BCAS4: variants seen among roughly 807,000 people sequenced by gnomAD.
BCAS4 encodes the protein breast carcinoma amplified sequence 4.
BCAS4 carries 9 observed loss-of-function variants against 15.7 expected under a neutral mutation model. The observed-to-expected ratio is 0.57, with a 90% CI of 0.34 to 1.00. The LOEUF (loss-of-function observed/expected upper bound fraction) is 1.00, where lower values mean the gene tolerates loss of function less well. BCAS4 is among the 50% of genes least tolerant of loss of function. The pLI is 0.02. For missense variants in BCAS4, 225 were observed against 239.1 expected (o/e 0.94, Z 0.39); for synonymous variants, 101 against 99.5 (o/e 1.02, Z -0.09).
chr20:50,818,135 A>T, intron 1 of BCAS4, 76 bp from the exon 2 acceptor site: 1 of 1,296,754 alleles, frequency 7.7e-7, no homozygotes, highest in South Asian at 1.4e-5. Context: ...TTTGCTTTAA[A>T]AAAAAAAAAA....
chr20:50,873,199 A>T (rs1979742440), intron 4 of BCAS4, among the ~76,000 whole-genome samples: 2 of 152,188 alleles, frequency 1.3e-5, no homozygotes, highest in Non-Finnish European at 2.9e-5. Context: ...CTTCTTCATA[A>T]TGATATTGAT....
chr20:50,832,263 CTT>C (rs796347635), intron 3 of BCAS4, among the ~76,000 whole-genome samples: 6 of 145,110 alleles, frequency 4.1e-5, no homozygotes, highest in Admixed American at 6.9e-5. Context: ...AAACAACACA[CTT>C]TTTTTTTTTT....
In BCAS4 at chr20:50,841,756, T is replaced by C. The variant is rs1293591515; in HGVS notation, c.265-10T>C. 1.2e-6 allele frequency: 2 copies of C among 1,613,960 alleles called. No homozygotes were observed. Among genetic ancestry groups the C allele is most frequent in the Non-Finnish European group, 1.7e-6 (2 of 1,180,012 alleles). On this transcript the variant is annotated splice_polypyrimidine_tract_variant and intron_variant, in intron 3 of 4. Transcript: ENST00000371608. ...CAGATGCGGCATCATGGCTTCTCCG[T>C]GTCCCTCAGGCCTTCGTCAAGATGG...
In BCAS4 at chr20:50,846,376, A is replaced by G. The variant is rs369810140; in HGVS notation, c.399+4476A>G. Among the ~76,000 whole-genome samples the G allele has an allele frequency of 4.1e-4, 62 of 152,244 alleles. No homozygotes were observed. In the East Asian group the frequency reaches 6.6e-3, roughly 16 times the overall value. ...CAGCCAGGCACAGTGGCTTCCACCCATAATCCCAGCACTTTGGGAGGCCAG... is the reference window on the plus strand; with the variant it reads ...CAGCCAGGCACAGTGGCTTCCACCCGTAATCCCAGCACTTTGGGAGGCCAG... On this transcript the variant is annotated intron_variant, in intron 4 of 4. Transcript: ENST00000371608.
chr20:50,873,170 C>T (rs1189951805), intron 4 of BCAS4, among the ~76,000 whole-genome samples: 3 of 152,228 alleles, frequency 2.0e-5, no homozygotes, highest in Non-Finnish European at 2.9e-5. Context: ...GGCGGCCTCT[C>T]GCCACTCCCT....
At chr20:50,796,172 C>T (rs1026675729) in intron 1 of BCAS4, among the ~76,000 whole-genome samples, 6 of 151,548 alleles carry the variant, frequency 4.0e-5, no homozygotes, top group African/African-American at 1.5e-4. Context: ...CACCTGAGGT[C>T]AGGAGCTCGA....
chr20:50,869,091 G>T (rs192259488), intron 4 of BCAS4, among the ~76,000 whole-genome samples: 1 of 152,228 alleles, frequency 6.6e-6, no homozygotes, highest in South Asian at 2.1e-4. Flanking sequence ...CGTTATCCCC[G>T]TTTTGTAGAG....
chr20:50,801,986 C>T (rs969159041), intron 1 of BCAS4, among the ~76,000 whole-genome samples: 1 of 151,662 alleles, frequency 6.6e-6, no homozygotes, highest in East Asian at 2.0e-4. Context: ...GCCTGGGTCC[C>T]CAGGGGGGGA....
At chr20:50,807,617 T>A (rs2088008077) in intron 1 of BCAS4, among the ~76,000 whole-genome samples, 1 of 152,224 alleles carries the variant, frequency 6.6e-6, no homozygotes, top group Non-Finnish European at 1.5e-5. Context: ...ATCACCTAAA[T>A]AGAGTACATG....
intron 4 of BCAS4, among the ~76,000 whole-genome samples, chr20:50,869,742 C>CTGTT (rs1979538292): frequency 1.3e-5 from 1 of 77,640 alleles, no homozygotes; most frequent in Non-Finnish European, 2.3e-5. Flanking sequence ...CCTGGCACTG[C>CTGTT]TTTTTTTTTT....
At chr20:50,857,824 C>A (rs6013030) in intron 4 of BCAS4, among the ~76,000 whole-genome samples, 36,705 of 152,152 alleles carry the variant, frequency 0.24, 5,767 homozygotes, top group African/African-American at 0.44. Context: ...TCCCCATCAG[C>A]AGTCCCCCAT....
rs200748733 is a variant in BCAS4 at position 50,806,744 on chromosome 20, CA to C, written c.91-11466del. 8.5e-3 allele frequency among the ~76,000 whole-genome samples: 1,269 copies of C among 148,902 alleles called. 11 individuals carry two copies. Among genetic ancestry groups the C allele is most frequent in the African/African-American group, 0.023 (888 of 38,946 alleles). On this transcript the variant is annotated intron_variant, in intron 1 of 4. Transcript: ENST00000371608. The stretch of plus-strand genomic sequence containing the variant: ...GGGGTATATAGTAGGTATATATATT[CA>C]GGGGGTACATGAGATGTTTTGATAC...
At chr20:50,846,611 T>A (rs952437726) in intron 4 of BCAS4, 1 of 124,882 alleles carries the variant, frequency 8.0e-6, no homozygotes, top group African/African-American at 3.1e-5. Context: ...CTCTCTCTTT[T>A]TTTTTTTTTT....
Position 50,851,103 on chromosome 20 carries a change from T to G in BCAS4, c.399+9203T>G, listed in dbSNP as rs1978393738. Among the ~76,000 whole-genome samples, 1 of 113,580 alleles carries G rather than the reference T, an allele frequency of 8.8e-6. No homozygotes were observed. The allele number at this position is 113,580 out of a possible 152,430, so 74.5% of individuals were successfully genotyped here. A position where few individuals can be genotyped will look rare whatever the true frequency, so the allele number is the denominator to read the frequency against. On this transcript the variant is annotated intron_variant, in intron 4 of 4. Coordinates refer to ENST00000371608, the MANE Select transcript of BCAS4 (RefSeq NM_198799.4). The surrounding 1 kb of genome is among the most constrained non-coding windows in gnomAD (Gnocchi z 4.3). ...GGTGCTGGGTCTCTCCCCTGCAGAATCCCCCTGCAGGAGGTGACTCGGGGA... is the reference window on the plus strand; with the variant it reads ...GGTGCTGGGTCTCTCCCCTGCAGAAGCCCCCTGCAGGAGGTGACTCGGGGA...
chr20:50,866,390 C>T (rs541485137), intron 4 of BCAS4, among the ~76,000 whole-genome samples: 15 of 152,292 alleles, frequency 9.8e-5, no homozygotes, highest in Middle Eastern at 3.4e-3. Flanking sequence ...GTCCTGCAGG[C>T]CAGGCGGGGA....
intron 1 of BCAS4, among the ~76,000 whole-genome samples, chr20:50,807,696 T>G (rs1043393053): frequency 6.6e-6 from 1 of 152,102 alleles, no homozygotes. Flanking sequence ...CAAAGTCCAT[T>G]GTATTATTTT....
chr20:50,802,893 A>G (rs1282915417), intron 1 of BCAS4, among the ~76,000 whole-genome samples: 1 of 150,880 alleles, frequency 6.6e-6, no homozygotes, highest in East Asian at 2.0e-4. Context: ...ACAAAACAAA[A>G]CACGTTGGCT....
At chr20:50,824,176 C>G (rs2088250229) in intron 2 of BCAS4, among the ~76,000 whole-genome samples, 1 of 152,206 alleles carries the variant, frequency 6.6e-6, no homozygotes, top group African/African-American at 2.4e-5. Context: ...GGTAGCTTGT[C>G]CAGTCCCTCT....
At chr20:50,873,510 G>A (rs1212917858) in intron 4 of BCAS4, among the ~76,000 whole-genome samples, 4 of 152,238 alleles carry the variant, frequency 2.6e-5, no homozygotes, top group African/African-American at 9.6e-5. Flanking sequence ...CTTGAATGTT[G>A]CATTTTCTAG....
Sources: gnomAD v4.1 joint callset for allele counts (sites outside exome capture counted in the v4.1 genomes callset) on GRCh38, gnomAD v4.1.1 for gene constraint, Gnocchi (gnomAD v3.1) non-coding constraint, MANE v1.5 for transcripts, NCBI Gene and HGNC (gene_info 2026-07-23, HGNC 2026-07-21) for gene names.